Variants in BRI3BP observed in about 807,000 individuals in gnomAD.
The protein encoded by BRI3BP is BRI3 binding protein.
A neutral mutation model predicts 15.8 loss-of-function variants in BRI3BP; 7 were observed. The ratio of observed to expected loss-of-function variants is 0.44; its 90% CI spans 0.25 to 0.83. BRI3BP has a LOEUF of 0.83. BRI3BP is among the 40% of genes least tolerant of loss of function. The pLI, the probability that BRI3BP is intolerant of heterozygous loss-of-function variation, is 0.20. For synonymous variants in BRI3BP, 192 were observed against 163.5 expected (o/e 1.17, Z -1.33); for missense variants, 320 against 339.3 (o/e 0.94, Z 0.45).
intron 2 of BRI3BP, among the ~76,000 whole-genome samples, chr12:125,021,305 G>A (rs1013380241): frequency 3.9e-5 from 6 of 152,198 alleles, no homozygotes; most frequent in Non-Finnish European, 7.3e-5. Context: ...AGATGTTCAC[G>A]CCGTAGGTGT....
chr12:125,016,712 G>C (rs1955247299), intron 2 of BRI3BP, among the ~76,000 whole-genome samples: 1 of 151,512 alleles, frequency 6.6e-6, no homozygotes, highest in African/African-American at 2.4e-5. Flanking sequence ...ATTTTTAGTA[G>C]AGACAGGGTT....
At chr12:125,049,511 G>A in the BRI3BP span, among the ~76,000 whole-genome samples, 1 of 152,138 alleles carries the variant, frequency 6.6e-6, no homozygotes, top group Non-Finnish European at 1.5e-5. Context: ...ACCCCCTGGA[G>A]TCTCGGTGGT....
chr12:125,018,671 C>CTTTTTTTTTTTTTTTTTTT, intron 2 of BRI3BP, among the ~76,000 whole-genome samples: 1 of 136,444 alleles, frequency 7.3e-6, no homozygotes. Flanking sequence ...AACTTCTGTT[C>CTTTTTTTTTTTTTTTTTTT]TTTTTTTTTT....
chr12:125,015,207 GCA>G, intron 2 of BRI3BP, among the ~76,000 whole-genome samples: 1 of 152,086 alleles, frequency 6.6e-6, no homozygotes, highest in South Asian at 2.1e-4. Context: ...AGTGGGGTCT[GCA>G]GATGTGATAA....
downstream of BRI3BP, among the ~76,000 whole-genome samples, chr12:125,032,413 G>A (rs55998326): frequency 0.047 from 7,194 of 151,984 alleles, 224 homozygotes; most frequent in African/African-American, 0.073. Context: ...AGCTGAAATC[G>A]CGCCACTGCA....
At position 125,025,128 on chromosome 12, in the gene BRI3BP, G is replaced by C; in HGVS notation, c.454G>C (p.Val152Leu). Reference protein sequence around the residue: ...TLGFTFSVLHVVFGRFFWIVR... With the variant: ...TLGFTFSVLHLVFGRFFWIVR... The stretch of plus-strand genomic sequence containing the variant: ...GGGCTTCACTTTCAGCGTCCTGCAC[G>C]TGGTGTTCGGCCGCTTCTTCTGGAT... Residue 152 changes from valine to leucine, a missense_variant, in exon 3 of 3, where the codon GTG becomes CTG. Transcript: ENST00000341446. The C allele has an allele frequency of 6.2e-7, 1 of 1,614,080 alleles. No individual in the cohort carries two copies. Among genetic ancestry groups the C allele is most frequent in the Non-Finnish European group, 8.5e-7 (1 of 1,180,034 alleles).
downstream of BRI3BP, among the ~76,000 whole-genome samples, chr12:125,033,518 C>T (rs984127253): frequency 2.0e-5 from 3 of 152,148 alleles, no homozygotes; most frequent in African/African-American, 7.2e-5. Flanking sequence ...TTCCATCCTT[C>T]CCCTCCTGCT....
rs966579958 is a variant in BRI3BP, at chr12:125,025,503, C to T, written c.*73C>T. 9.7e-6 allele frequency: 13 copies of T among 1,340,264 alleles called. No individual in the cohort carries two copies. The highest frequency in any genetic ancestry group is 5.6e-5 in the Admixed American group (2 of 35,664). The allele number at this position is 1,340,264 out of a possible 1,614,324, so 83.0% of individuals were successfully genotyped here. Reference sequence around the variant, plus strand: ...AAAACGAAAACGGAGGAAAAAAACCCCAAACCCCAAACAATCTTAATAAAC... The same window carrying T: ...AAAACGAAAACGGAGGAAAAAAACCTCAAACCCCAAACAATCTTAATAAAC... On this transcript the variant is annotated 3_prime_UTR_variant, in exon 3 of 3. Coordinates refer to ENST00000341446, the MANE Select transcript of BRI3BP (RefSeq NM_080626.6).
At chr12:125,050,736 T>C in the BRI3BP span, among the ~76,000 whole-genome samples, 115,832 of 152,220 alleles carry the variant, frequency 0.76, 44,267 homozygotes, top group South Asian at 0.85. Flanking sequence ...AGAATGTGGG[T>C]GCTCTGAATT....
intron 2 of BRI3BP, among the ~76,000 whole-genome samples, chr12:125,021,079 C>G (rs980885457): frequency 6.6e-6 from 1 of 152,184 alleles, no homozygotes; most frequent in Admixed American, 6.5e-5. Flanking sequence ...AGCCTCCAGT[C>G]TGCAGGGGAC....
the BRI3BP span, among the ~76,000 whole-genome samples, chr12:125,046,824 A>T: frequency 6.6e-6 from 1 of 152,220 alleles, no homozygotes; most frequent in African/African-American, 2.4e-5. Context: ...TTTAGAACTT[A>T]TCTCTAAAAA....
In BRI3BP at chr12:125,025,148, C is replaced by T. The variant is rs778337407; in HGVS notation, c.474C>T (p.Phe158=). 3.7e-6 allele frequency: 6 copies of T among 1,614,088 alleles called. No homozygotes were observed. In the African/African-American group the frequency reaches 6.7e-5, roughly 18 times the overall value. ...SVLHVVFGRF[F]WIVRVVLFSM... Reference sequence around the variant, plus strand: ...TGCACGTGGTGTTCGGCCGCTTCTTCTGGATCGTGCGGGTCGTCCTGTTTT... The same window carrying T: ...TGCACGTGGTGTTCGGCCGCTTCTTTTGGATCGTGCGGGTCGTCCTGTTTT... Residue 158 remains phenylalanine (F), a synonymous_variant, in exon 3 of 3, where the codon TTC becomes TTT. Transcript: ENST00000341446.
intron 1 of BRI3BP, among the ~76,000 whole-genome samples, chr12:125,002,197 T>C (rs1424595124): frequency 6.6e-6 from 1 of 152,224 alleles, no homozygotes; most frequent in Non-Finnish European, 1.5e-5. Context: ...TGTGTGGGCA[T>C]TGTTTCCAGT....
chr12:124,999,427 A>T (rs1266193112), intron 1 of BRI3BP, among the ~76,000 whole-genome samples: 5 of 151,508 alleles, frequency 3.3e-5, no homozygotes. Context: ...TTGTATTTTT[A>T]TTTTATTTTT....
chr12:125,006,993 G>A (rs1254192178), intron 1 of BRI3BP, among the ~76,000 whole-genome samples: 1 of 152,160 alleles, frequency 6.6e-6, no homozygotes, highest in Non-Finnish European at 1.5e-5. Context: ...GAGGTCAGGA[G>A]TTTGAGATCA....
intron 1 of BRI3BP, among the ~76,000 whole-genome samples, chr12:124,998,508 G>T (rs1427773996): frequency 1.3e-5 from 2 of 152,114 alleles, no homozygotes; most frequent in African/African-American, 4.8e-5. Flanking sequence ...AGTCACGAAA[G>T]GGCACACATT....
At position 125,024,258 on chromosome 12, in the gene BRI3BP, ACCCC is replaced by A. The variant is rs67780786; in HGVS notation, c.317-726_317-723del. ...CACTTAAACCATCAGATCTCATGAAACCCCCCCCCCTCCACTGTCACAAGAACAG... is the reference window on the plus strand; with the variant it reads ...CACTTAAACCATCAGATCTCATGAAACCCCCCTCCACTGTCACAAGAACAG... On this transcript the variant is annotated intron_variant, in intron 2 of 2. Coordinates refer to ENST00000341446, the MANE Select transcript of BRI3BP (RefSeq NM_080626.6). Among the ~76,000 whole-genome samples the A allele has an allele frequency of 4.1e-3, 554 of 135,056 alleles. 5 individuals are homozygous for A. Among genetic ancestry groups the A allele is most frequent in the African/African-American group, 9.5e-3 (372 of 39,068 alleles). 88.6% of individuals were successfully genotyped at this position (135,056 alleles called of 152,430 possible).
In BRI3BP at chr12:125,006,093, G is replaced by T. The variant is rs1257262217; in HGVS notation, c.214-6441G>T. ...TCCTACTTGCATAAGGACACCAGTC[G>T]CATCGGATTAGGGCCCACCGTAAAT... On this transcript the variant is annotated intron_variant, in intron 1 of 2. Transcript: ENST00000341446. Among the ~76,000 whole-genome samples the T allele has an allele frequency of 5.1e-4, 78 of 151,998 alleles. 2 individuals are homozygous for T. The highest frequency in any genetic ancestry group is 5.1e-3 in the Admixed American group (78 of 15,244).
rs868342764 is a variant in BRI3BP at position 125,027,864 on chromosome 12, T to A, written c.*2434T>A. 1 of 151,964 alleles carries A rather than the reference T, an allele frequency of 6.6e-6. No individual in the cohort carries two copies. The highest frequency in any genetic ancestry group is 1.5e-5 in the Non-Finnish European group (1 of 68,016). 9.4% of individuals were successfully genotyped at this position (151,964 alleles called of 1,614,324 possible). ...CATCATGCCCGGCTAATTTTTTATA[T>A]TTTTAGTAGAGACGGGGTTTCACCG... On this transcript the variant is annotated 3_prime_UTR_variant, in exon 3 of 3. Coordinates refer to ENST00000341446, the MANE Select transcript of BRI3BP (RefSeq NM_080626.6).
Sources: gnomAD v4.1 joint callset for allele counts (sites outside exome capture counted in the v4.1 genomes callset) on GRCh38, gnomAD v4.1.1 for gene constraint, MANE v1.5 for transcripts, NCBI Gene and HGNC (gene_info 2026-07-23, HGNC 2026-07-21) for gene names.